RMST: variants seen among roughly 807,000 people sequenced by gnomAD.
The protein encoded by RMST is long intergenic non-protein coding RNA 54.
intron 10 of RMST, among the ~76,000 whole-genome samples, chr12:97,507,289 A>ATTTT (rs1565926508): frequency 2.1e-5 from 3 of 144,520 alleles, no homozygotes; most frequent in African/African-American, 8.2e-5. Flanking sequence ...TTTTTTTTTA[A>ATTTT]AAAAAAAAAG....
At chr12:97,512,059 G>C (rs920451214) in intron 10 of RMST, among the ~76,000 whole-genome samples, 2 of 152,178 alleles carry the variant, frequency 1.3e-5, no homozygotes, top group South Asian at 2.1e-4. Flanking sequence ...CTGATGTTCA[G>C]ATGTGTTCGG....
In RMST at chr12:97,504,975, C is replaced by T. The variant is rs577286207; in HGVS notation, n.1340+8919C>T. On this transcript the variant is annotated intron_variant and non_coding_transcript_variant, in intron 10 of 13. Coordinates refer to ENST00000640149, the Ensembl canonical transcript of RMST. The stretch of plus-strand genomic sequence containing the variant: ...GGATTATCTTCCTGGAAACCTTGGT[C>T]GCCCCTGTTAGAGAGTCTCTCATTT... Among the ~76,000 whole-genome samples, 19 of 152,242 alleles carry T rather than the reference C, an allele frequency of 1.2e-4. No homozygotes were observed. The South Asian group carries it at 1.5e-3, about 12-fold the overall frequency.
chr12:97,471,781 A>G (rs888085146), intron 5 of RMST, among the ~76,000 whole-genome samples: 1 of 152,166 alleles, frequency 6.6e-6, no homozygotes, highest in African/African-American at 2.4e-5. Context: ...AACGCACAAC[A>G]TGCAGTTGGA....
chr12:97,514,961 G>A (rs1450427660), intron 10 of RMST, among the ~76,000 whole-genome samples: 1 of 152,036 alleles, frequency 6.6e-6, no homozygotes, highest in Non-Finnish European at 1.5e-5. Flanking sequence ...TTTTTTGTGT[G>A]TGAAACCTTT....
At chr12:97,507,099 A>G (rs2136498707) in intron 10 of RMST, among the ~76,000 whole-genome samples, 1 of 152,240 alleles carries the variant, frequency 6.6e-6, no homozygotes, top group Non-Finnish European at 1.5e-5. Flanking sequence ...GGAGGTAAAC[A>G]AGGAGTTAGA....
intron 10 of RMST, among the ~76,000 whole-genome samples, chr12:97,520,261 A>G: frequency 6.6e-6 from 1 of 151,992 alleles, no homozygotes; most frequent in African/African-American, 2.4e-5. Context: ...GAGCTTCCAA[A>G]GTGTCTTTAC....
At chr12:97,521,788 T>C (rs953751975) in intron 10 of RMST, among the ~76,000 whole-genome samples, 1 of 152,180 alleles carries the variant, frequency 6.6e-6, no homozygotes, top group Non-Finnish European at 1.5e-5. Flanking sequence ...CCCCCCAATA[T>C]TCAGTTTGTC....
intron 11 of RMST, among the ~76,000 whole-genome samples, chr12:97,558,826 G>T (rs909819019): frequency 6.6e-6 from 1 of 152,130 alleles, no homozygotes; most frequent in African/African-American, 2.4e-5. Context: ...TTAGACTCCT[G>T]ATACTGAGGC....
At chr12:97,563,266 A>T (rs1157322883) in intron 13 of RMST, 1 of 157,112 alleles carries the variant, frequency 6.4e-6, no homozygotes, top group African/African-American at 2.4e-5. Context: ...GTGAGCAGTT[A>T]GCACATAGTA....
At chr12:97,479,561 A>G (rs1161569802) in intron 5 of RMST, among the ~76,000 whole-genome samples, 2 of 152,024 alleles carry the variant, frequency 1.3e-5, no homozygotes, top group Non-Finnish European at 2.9e-5. Context: ...ATTATTTCCT[A>G]GATCTCTCTG....
At chr12:97,486,805 A>G (rs373460205) in intron 5 of RMST, among the ~76,000 whole-genome samples, 21 of 152,330 alleles carry the variant, frequency 1.4e-4, no homozygotes, top group African/African-American at 5.1e-4. Context: ...ATAAACGAAC[A>G]GAGAAAATAT....
At chr12:97,555,312 T>C (rs969548678) in intron 11 of RMST, among the ~76,000 whole-genome samples, 2 of 152,224 alleles carry the variant, frequency 1.3e-5, no homozygotes, top group African/African-American at 4.8e-5. Flanking sequence ...TACCTTTTCC[T>C]GTGGATTTCC....
intron 5 of RMST, among the ~76,000 whole-genome samples, chr12:97,477,232 A>T (rs1176540573): frequency 6.6e-6 from 1 of 152,198 alleles, no homozygotes; most frequent in Non-Finnish European, 1.5e-5. Flanking sequence ...ATAAAATATC[A>T]ACGTGGAAAC....
chr12:97,553,761 A>G (rs1883476365), intron 11 of RMST, among the ~76,000 whole-genome samples: 1 of 152,054 alleles, frequency 6.6e-6, no homozygotes, highest in African/African-American at 2.4e-5. Flanking sequence ...ATCAATACCT[A>G]CTAGTTTTCT....
At chr12:97,540,482 A>G (rs1347273263) in intron 11 of RMST, among the ~76,000 whole-genome samples, 1 of 151,808 alleles carries the variant, frequency 6.6e-6, no homozygotes, top group Admixed American at 6.6e-5. Context: ...CCTGAAAAGT[A>G]TAGCACATGG....
intron 10 of RMST, among the ~76,000 whole-genome samples, chr12:97,522,618 A>C (rs577794840): frequency 6.6e-6 from 1 of 152,332 alleles, no homozygotes; most frequent in East Asian, 1.9e-4. Context: ...AGTTTGAACA[A>C]CCCATTAATG....
At chr12:97,491,795 A>G (rs1876843412) in intron 5 of RMST, 2 of 397,952 alleles carry the variant, frequency 5.0e-6, no homozygotes, top group African/African-American at 4.1e-5. Context: ...TAGAACAACA[A>G]TCGTGTCATG....
chr12:97,546,944 C>T (rs931854244), intron 11 of RMST, among the ~76,000 whole-genome samples: 5 of 152,092 alleles, frequency 3.3e-5, no homozygotes, highest in African/African-American at 1.2e-4. Context: ...CCCAACATCT[C>T]TCCAACCTCT....
chr12:97,489,358 G>A (rs571736220), intron 5 of RMST, among the ~76,000 whole-genome samples: 1 of 151,860 alleles, frequency 6.6e-6, no homozygotes, highest in African/African-American at 2.4e-5. Context: ...GAGGCAGGAG[G>A]ATCACTTGAG....
Sources: gnomAD v4.1 joint callset for allele counts (sites outside exome capture counted in the v4.1 genomes callset) on GRCh38, gnomAD v4.1.1 for gene constraint, MANE v1.5 for transcripts, NCBI Gene and HGNC (gene_info 2026-07-23, HGNC 2026-07-21) for gene names.